The following TRAPPC3L variants were observed in gnomAD, a reference collection of about 807,000 sequenced individuals.
TRAPPC3L encodes trafficking protein particle complex subunit 3L, also known as trafficking protein particle complex subunit 3-like protein.
TRAPPC3L carries 23 observed loss-of-function variants against 23.7 expected under a neutral mutation model. The ratio of observed to expected loss-of-function variants is 0.97; its 90% confidence interval spans 0.70 to 1.37. The LOEUF (loss-of-function observed/expected upper bound fraction) is 1.37. Among genes scored for constraint, TRAPPC3L ranks in the 40% most tolerant of loss-of-function variants. TRAPPC3L has a pLI of 0.00. For missense variants in TRAPPC3L, 212 were observed against 216.8 expected, an observed-to-expected ratio of 0.98 and a Z score of 0.14; for synonymous variants, 81 against 77.9, an observed-to-expected ratio of 1.04 and a Z score of -0.21.
chr6:116,533,508 C>T (rs1772872802), intron 3 of TRAPPC3L, among the ~76,000 whole-genome samples: 1 of 152,164 alleles, frequency 6.6e-6, no homozygotes, highest in Admixed American at 6.5e-5. Flanking sequence ...AGAATAATTC[C>T]AGCGTGAGAG....
chr6:116,500,588 G>A lies in TRAPPC3L; in HGVS notation c.319C>T (p.Leu107=). Residue 107 remains leucine (L), a synonymous_variant, in exon 4 of 5, where the codon CTA becomes TTA. Transcript: ENST00000368602. ...AACTCCACCAGGGGATTCTTCTCTAGAATCAGGGAAAATTCATTTTTGCTT... is the reference window on the plus strand; with the variant it reads ...AACTCCACCAGGGGATTCTTCTCTAAAATCAGGGAAAATTCATTTTTGCTT... ...NSSKNEFSLI[L]EKNPLVEFVE... 1 of 1,551,656 alleles carries A rather than the reference G, an allele frequency of 6.4e-7. No homozygotes were observed.
chr6:116,518,627 T>A (rs373659007), intron 3 of TRAPPC3L: 1 of 152,152 alleles, frequency 6.6e-6, no homozygotes, highest in South Asian at 2.1e-4. Context: ...AAAAGACATA[T>A]AGGAACTGGC....
intron 3 of TRAPPC3L, among the ~76,000 whole-genome samples, chr6:116,530,362 A>G (rs556553907): frequency 6.6e-6 from 1 of 152,312 alleles, no homozygotes; most frequent in African/African-American, 2.4e-5. Flanking sequence ...CATTCTTTGA[A>G]AAAAGAAAAC....
At chr6:116,510,762 C>T (rs1223364720) in intron 3 of TRAPPC3L, among the ~76,000 whole-genome samples, 2 of 151,822 alleles carry the variant, frequency 1.3e-5, no homozygotes, top group East Asian at 1.9e-4. Flanking sequence ...TGAAACCAAT[C>T]TAAGTACCCA....
chr6:116,515,457 T>G, intron 3 of TRAPPC3L: 1 of 922,766 alleles, frequency 1.1e-6, no homozygotes, highest in South Asian at 2.0e-5. Context: ...GAGTTTAAAG[T>G]GTTTAAAAAT....
intron 2 of TRAPPC3L, among the ~76,000 whole-genome samples, chr6:116,541,388 A>G (rs2115240458): frequency 6.6e-6 from 1 of 152,288 alleles, no homozygotes; most frequent in South Asian, 2.1e-4. Context: ...AGCCACATCT[A>G]CATAGACAAG....
rs535518351 is a variant in TRAPPC3L at position 116,515,005 on chromosome 6, A to G, written c.241-14339T>C. ...CTGAACCATTTCATATTCAGGAAAGAGTTTGTTTTTTCTAATTACCAAAAA... is the reference window on the plus strand; with the variant it reads ...CTGAACCATTTCATATTCAGGAAAGGGTTTGTTTTTTCTAATTACCAAAAA... On this transcript the variant is annotated intron_variant, in intron 3 of 4. Transcript: ENST00000368602. 2.6e-5 allele frequency among the ~76,000 whole-genome samples: 4 copies of G among 152,334 alleles called. No homozygotes were observed. The South Asian group carries it at 8.3e-4, about 32-fold the overall frequency.
chr6:116,536,396 T>C (rs561880829), intron 3 of TRAPPC3L, among the ~76,000 whole-genome samples: 31 of 152,298 alleles, frequency 2.0e-4, no homozygotes, highest in African/African-American at 7.5e-4. Context: ...GACCTCCTCT[T>C]TGAAGAAAAA....
At chr6:116,531,550 T>C (rs750012189) in intron 3 of TRAPPC3L, among the ~76,000 whole-genome samples, 3 of 152,172 alleles carry the variant, frequency 2.0e-5, no homozygotes, top group African/African-American at 4.8e-5. Context: ...GGTTCTTTCA[T>C]GGGGTCTGAT....
chr6:116,530,210 C>A (rs1772611454), intron 3 of TRAPPC3L, among the ~76,000 whole-genome samples: 1 of 151,850 alleles, frequency 6.6e-6, no homozygotes, highest in South Asian at 2.1e-4. Context: ...GCATAAGGAA[C>A]AAACCACCCC....
chr6:116,501,739 G>C (rs1771918943), intron 3 of TRAPPC3L, among the ~76,000 whole-genome samples: 1 of 152,302 alleles, frequency 6.6e-6, no homozygotes. Context: ...ACAGAGTCTG[G>C]AGTGGACCTC....
At chr6:116,509,734 C>T (rs961672506) in intron 3 of TRAPPC3L, among the ~76,000 whole-genome samples, 4 of 152,072 alleles carry the variant, frequency 2.6e-5, no homozygotes, top group Admixed American at 1.3e-4. Context: ...TAGAAGAAAA[C>T]GTAATAAAAA....
chr6:116,504,136 G>A (rs911462148), intron 3 of TRAPPC3L, among the ~76,000 whole-genome samples: 1 of 151,972 alleles, frequency 6.6e-6, no homozygotes, highest in Non-Finnish European at 1.5e-5. Context: ...CCGCTAGCAC[G>A]ACTAATAAAG....
rs10557481 is a variant in TRAPPC3L, at chr6:116,530,902, CATATATATATATATATATATATAT to C, written c.240+9437_240+9460del. On this transcript the variant is annotated intron_variant, in intron 3 of 4. Coordinates refer to ENST00000368602, the MANE Select transcript of TRAPPC3L (RefSeq NM_001139444.3). ...GAAGGTTCATAGATAAAGTGAGACT[CATATATATATATATATATATATAT>C]ATATATATATATATATATGTTACTA... is the stretch of plus-strand genomic sequence containing the variant. Among the ~76,000 whole-genome samples, 384 of 76,498 alleles carry C rather than the reference CATATATATATATATATATATATAT, an allele frequency of 5.0e-3. 4 individuals are homozygous for C. The highest frequency in any genetic ancestry group is 0.017 in the African/African-American group (316 of 18,148). The allele number at this position is 76,498 out of a possible 152,430, so 50.2% of individuals were successfully genotyped here.
chr6:116,533,371 A>G (rs1772860781), intron 3 of TRAPPC3L, among the ~76,000 whole-genome samples: 1 of 152,224 alleles, frequency 6.6e-6, no homozygotes, highest in Non-Finnish European at 1.5e-5. Flanking sequence ...CACACTGAAA[A>G]TTGTGCTCTT....
intron 3 of TRAPPC3L, 76 bp downstream of exon 3, chr6:116,540,287 T>C: frequency 7.2e-7 from 1 of 1,393,236 alleles, no homozygotes; most frequent in Non-Finnish European, 9.9e-7. Context: ...CTGTCCAATC[T>C]GAACAGAAAA....
At position 116,496,419 on chromosome 6, in the gene TRAPPC3L, C is replaced by T. The variant is rs1187782687; in HGVS notation, c.*535G>A. ...ATAGCTTGACTTGGTGATTACAAAT[C>T]AAGGGTAGCGTCAGAAGGCTAAAGC... On this transcript the variant is annotated 3_prime_UTR_variant, in exon 5 of 5. Coordinates refer to ENST00000368602, the MANE Select transcript of TRAPPC3L (RefSeq NM_001139444.3). 6.6e-6 allele frequency: 1 copy of T among 151,990 alleles called. No homozygotes were observed. Among genetic ancestry groups the T allele is most frequent in the Non-Finnish European group, 1.5e-5 (1 of 67,996 alleles). The allele number at this position is 151,990 out of a possible 1,614,324, so 9.4% of individuals were successfully genotyped here.
chr6:116,504,101 T>G (rs1025503415), intron 3 of TRAPPC3L, among the ~76,000 whole-genome samples: 3 of 152,114 alleles, frequency 2.0e-5, no homozygotes, highest in Non-Finnish European at 4.4e-5. Flanking sequence ...GCTGTTTTTT[T>G]GAAAAGATCA....
intron 3 of TRAPPC3L, among the ~76,000 whole-genome samples, chr6:116,528,236 C>T (rs1345860045): frequency 6.6e-6 from 1 of 152,170 alleles, no homozygotes; most frequent in Non-Finnish European, 1.5e-5. Context: ...GGTGCTTTGC[C>T]TTCATGTTGG....
Sources: allele counts gnomAD v4.1 joint callset (sites outside exome capture counted in the v4.1 genomes callset), GRCh38; gene constraint gnomAD v4.1.1; transcripts MANE v1.5; gene names NCBI Gene and HGNC (gene_info 2026-07-23, HGNC 2026-07-21).